Variants in LSAMP observed in about 807,000 individuals in gnomAD.
LSAMP encodes limbic system-associated membrane protein.
In LSAMP, 7 loss-of-function variants were observed where a neutral mutation model predicts 38.6. The ratio of observed to expected loss-of-function variants is 0.18; its 90% CI spans 0.10 to 0.34. The LOEUF (loss-of-function observed/expected upper bound fraction) is 0.34, where lower values mean the gene tolerates loss of function less well. Among genes scored for constraint, LSAMP ranks in the 10% least tolerant of loss-of-function variants. LSAMP has a pLI of 1.00. For synonymous variants in LSAMP, 154 were observed against 166.8 expected, an observed-to-expected ratio of 0.92 and a Z score of 0.59; for missense variants, 313 against 420.0, an observed-to-expected ratio of 0.75 and a Z score of 2.23.
chr3:116,225,690 A>G (rs1401535232), intron 1 of LSAMP, among the ~76,000 whole-genome samples: 6 of 152,132 alleles, frequency 3.9e-5, no homozygotes, highest in Non-Finnish European at 5.9e-5. Flanking sequence ...TATCGATTAC[A>G]TGGCAAAATA....
chr3:116,245,107 G>A (rs192198236), intron 1 of LSAMP, among the ~76,000 whole-genome samples: 44 of 152,248 alleles, frequency 2.9e-4, no homozygotes, highest in African/African-American at 9.6e-4. Context: ...AAGTTAAAGC[G>A]AGATCATTAG....
intron 3 of LSAMP, among the ~76,000 whole-genome samples, chr3:115,884,910 G>A (rs893314107): frequency 6.6e-6 from 1 of 151,990 alleles, no homozygotes; most frequent in African/African-American, 2.4e-5. Flanking sequence ...TGGAGTGTAA[G>A]GAAGCACTCT....
chr3:115,914,845 A>G (rs1937212786), intron 3 of LSAMP, among the ~76,000 whole-genome samples: 1 of 152,176 alleles, frequency 6.6e-6, no homozygotes, highest in African/African-American at 2.4e-5. Flanking sequence ...AGGCTTCTTC[A>G]TTCTTCCTGA....
intron 3 of LSAMP, among the ~76,000 whole-genome samples, chr3:115,953,637 G>A (rs1443829978): frequency 1.3e-5 from 2 of 152,158 alleles, no homozygotes; most frequent in Non-Finnish European, 2.9e-5. Flanking sequence ...AAAACTCGGA[G>A]ATTAAAAGGG....
chr3:116,354,272 A>G (rs2048188716), intron 1 of LSAMP, among the ~76,000 whole-genome samples: 2 of 152,146 alleles, frequency 1.3e-5, no homozygotes, highest in African/African-American at 2.4e-5. Flanking sequence ...CAAAGCAGGT[A>G]TTCCCAAGGT....
chr3:116,239,110 G>A (rs1463400083), intron 1 of LSAMP, among the ~76,000 whole-genome samples: 1 of 152,158 alleles, frequency 6.6e-6, no homozygotes, highest in African/African-American at 2.4e-5. Context: ...GATAGTCTAA[G>A]CCTAGAATAA....
intron 3 of LSAMP, among the ~76,000 whole-genome samples, chr3:115,911,132 A>C (rs1937124601): frequency 6.6e-6 from 1 of 152,190 alleles, no homozygotes; most frequent in Non-Finnish European, 1.5e-5. Flanking sequence ...ATGTACTTTG[A>C]AGAGTTGTGA....
At chr3:116,012,526 A>G (rs1394175627) in intron 3 of LSAMP, among the ~76,000 whole-genome samples, 1 of 152,238 alleles carries the variant, frequency 6.6e-6, no homozygotes, top group East Asian at 1.9e-4. Context: ...TGAATAAGCC[A>G]TGTCAGAACT....
chr3:116,434,952 C>T (rs1469427245), intron 1 of LSAMP, among the ~76,000 whole-genome samples: 1 of 152,154 alleles, frequency 6.6e-6, no homozygotes, highest in Admixed American at 6.5e-5. Context: ...TCAGGTCCTT[C>T]ATTCTGCCAA....
chr3:116,335,739 A>G (rs946526616), intron 1 of LSAMP, among the ~76,000 whole-genome samples: 1 of 152,048 alleles, frequency 6.6e-6, no homozygotes, highest in Admixed American at 6.6e-5. Flanking sequence ...CATGCTCAGA[A>G]CACTTACATT....
intron 2 of LSAMP, among the ~76,000 whole-genome samples, chr3:116,058,431 T>A (rs1238240413): frequency 6.6e-6 from 1 of 151,496 alleles, no homozygotes; most frequent in East Asian, 1.9e-4. Flanking sequence ...TGAATGTCAG[T>A]TTCCAAGGGT....
intron 1 of LSAMP, among the ~76,000 whole-genome samples, chr3:116,110,575 G>A (rs546621978): frequency 6.6e-6 from 1 of 152,292 alleles, no homozygotes; most frequent in Admixed American, 6.5e-5. Context: ...ATTGAAGTGT[G>A]GCGCCAAGAT....
intron 1 of LSAMP, among the ~76,000 whole-genome samples, chr3:116,275,357 C>A (rs563610016): frequency 2.6e-5 from 4 of 152,212 alleles, no homozygotes; most frequent in African/African-American, 9.6e-5. Flanking sequence ...CCTGCCCCAC[C>A]GCCCACATTT....
intron 1 of LSAMP, among the ~76,000 whole-genome samples, chr3:116,294,188 C>T (rs943318855): frequency 5.3e-5 from 8 of 152,120 alleles, no homozygotes; most frequent in African/African-American, 1.7e-4. Context: ...AACTACTTGA[C>T]ATTGAACACT....
intron 3 of LSAMP, among the ~76,000 whole-genome samples, chr3:115,956,414 A>G (rs1010027795): frequency 2.6e-5 from 4 of 151,872 alleles, no homozygotes; most frequent in Non-Finnish European, 4.4e-5. Context: ...TAGAGGAGAA[A>G]AACTCTGACA....
intron 1 of LSAMP, among the ~76,000 whole-genome samples, chr3:116,302,913 A>C (rs2047433296): frequency 6.6e-6 from 1 of 152,220 alleles, no homozygotes; most frequent in Non-Finnish European, 1.5e-5. Context: ...TTAGTCATAT[A>C]CATTTTTGTC....
intron 1 of LSAMP, among the ~76,000 whole-genome samples, chr3:116,232,160 G>T (rs2046408895): frequency 6.6e-6 from 1 of 152,180 alleles, no homozygotes; most frequent in Non-Finnish European, 1.5e-5. Context: ...CTCTGCATGG[G>T]TTTTAATGGT....
At chr3:116,085,951 A>T (rs1425959207) in intron 2 of LSAMP, among the ~76,000 whole-genome samples, 1 of 152,202 alleles carries the variant, frequency 6.6e-6, no homozygotes, top group African/African-American at 2.4e-5. Context: ...AACTTTCTTA[A>T]ACTCAGCAAA....
chr3:115,837,187 A>G (rs1576128437), intron 6 of LSAMP, among the ~76,000 whole-genome samples: 1 of 152,216 alleles, frequency 6.6e-6, no homozygotes. Context: ...CTCAGGTAGC[A>G]CTTGAAATTT....
Sources: gnomAD v4.1 joint callset for allele counts (sites outside exome capture counted in the v4.1 genomes callset) on GRCh38, gnomAD v4.1.1 for gene constraint, MANE v1.5 for transcripts, NCBI Gene and HGNC (gene_info 2026-07-23, HGNC 2026-07-21) for gene names.